The following LARS2 variants were observed in gnomAD, a reference collection of about 807,000 sequenced individuals.
The protein encoded by LARS2 is leucine--tRNA ligase, mitochondrial.
LARS2 carries 81 observed loss-of-function variants against 116.6 expected under a neutral mutation model. The ratio of observed to expected loss-of-function variants is 0.69; its 90% CI spans 0.58 to 0.84. LARS2 has a LOEUF of 0.84. Ranked by LOEUF, LARS2 falls within the 40% of genes least tolerant of loss-of-function variation. The probability of loss-of-function intolerance (pLI) is 0.00; values close to 1 mark genes in which losing one functional copy is unlikely to be tolerated. For missense variants in LARS2, 968 were observed against 1,114.5 expected (o/e 0.87, Z 1.87); for synonymous variants, 396 against 407.2 (o/e 0.97, Z 0.33).
At chr3:45,520,132 C>CTT in intron 18 of LARS2, 87 bp from the exon 19 acceptor site, 3 of 874,650 alleles carry the variant, frequency 3.4e-6, no homozygotes, top group Non-Finnish European at 1.9e-6. Context: ...ATTCATTTTC[C>CTT]TTTTTTTTTG....
At chr3:45,508,075 G>A (rs563807850) in intron 15 of LARS2, among the ~76,000 whole-genome samples, 2 of 151,964 alleles carry the variant, frequency 1.3e-5, no homozygotes, top group Non-Finnish European at 2.9e-5. Context: ...GTGGGAGACC[G>A]CTGTAAACAT....
chr3:45,432,521 TAAAC>T (rs1698735670), intron 6 of LARS2, among the ~76,000 whole-genome samples: 1 of 152,030 alleles, frequency 6.6e-6, no homozygotes, highest in Non-Finnish European at 1.5e-5. Context: ...TTTGTGTAAT[TAAAC>T]AACACGCTCT....
At chr3:45,513,293 G>A (rs1700316648) in intron 16 of LARS2, 58 bp downstream of exon 16, 1 of 1,100,426 alleles carries the variant, frequency 9.1e-7, no homozygotes, top group Admixed American at 1.7e-5. Context: ...GGCCAGGCCT[G>A]AGAGCTACTG....
In LARS2 at chr3:45,528,576, A is replaced by G. The variant is rs149178304; in HGVS notation, c.2404+4468A>G. Among the ~76,000 whole-genome samples the G allele has an allele frequency of 6.8e-3, 1,043 of 152,344 alleles. 12 individuals are homozygous for G. The highest frequency in any genetic ancestry group is 0.016 in the African/African-American group (679 of 41,588). On this transcript the variant is annotated intron_variant, in intron 20 of 21. Transcript: ENST00000645846. ...TTACTGAAAAAAGGTTCCCCACACC[A>G]TTAGTCAATCCCACACCCACTCCAA... is the stretch of plus-strand genomic sequence containing the variant.
At chr3:45,539,232 A>C (rs1454081014) in intron 20 of LARS2, among the ~76,000 whole-genome samples, 1 of 152,212 alleles carries the variant, frequency 6.6e-6, no homozygotes, top group Non-Finnish European at 1.5e-5. Flanking sequence ...ACCTAAAAGA[A>C]AAATCTTAAA....
chr3:45,394,418 T>C lies in LARS2; in HGVS notation c.-21-15T>C, dbSNP rs757855712. 6.7e-6 allele frequency: 10 copies of C among 1,497,624 alleles called. No homozygotes were observed. The Admixed American group carries it at 8.4e-5, about 13-fold the overall frequency. The allele number at this position is 1,497,624 out of a possible 1,614,324, so 92.8% of individuals were successfully genotyped here. A position where few individuals can be genotyped will look rare whatever the true frequency, so the allele number is the denominator to read the frequency against. ...TTGAGGCAGCTCATAGTGTGCTTTC[T>C]GCCCTCTTTTTCAGGGCCTTCTCAC... is the stretch of plus-strand genomic sequence containing the variant. On this transcript the variant is annotated splice_polypyrimidine_tract_variant and intron_variant, in intron 2 of 21. Transcript: ENST00000645846.
At chr3:45,402,340 T>C (rs565618111) in intron 4 of LARS2, among the ~76,000 whole-genome samples, 4 of 152,352 alleles carry the variant, frequency 2.6e-5, no homozygotes, top group Admixed American at 2.0e-4. Flanking sequence ...CTGCCCAATG[T>C]TGTGTTTATT....
intron 3 of LARS2, among the ~76,000 whole-genome samples, chr3:45,395,345 G>A (rs1480335759): frequency 6.6e-6 from 1 of 152,218 alleles, no homozygotes; most frequent in African/African-American, 2.4e-5. Context: ...AGGTACACCA[G>A]CTCGGCACTC....
intron 6 of LARS2, 118 bp downstream of exon 6, chr3:45,419,847 G>A: frequency 2.5e-6 from 2 of 797,118 alleles, no homozygotes; most frequent in South Asian, 2.9e-5. Flanking sequence ...GAAGCAGGAG[G>A]GAAGGATTAG....
intron 9 of LARS2, among the ~76,000 whole-genome samples, 151 bp from the exon 10 acceptor site, chr3:45,476,310 TCCAGGCA>T (rs1699608002): frequency 6.6e-6 from 1 of 152,074 alleles, no homozygotes; most frequent in Admixed American, 6.5e-5. Context: ...CTCAGCTTCT[TCCAGGCA>T]CCATCTCAAT....
chr3:45,491,905 C>T, intron 13 of LARS2, 105 bp downstream of exon 13: 2 of 1,109,996 alleles, frequency 1.8e-6, no homozygotes. Flanking sequence ...TCCCTTTTTC[C>T]CTGACTTCCA....
intron 3 of LARS2, among the ~76,000 whole-genome samples, chr3:45,397,186 A>G (rs924006896): frequency 4.6e-5 from 7 of 152,222 alleles, no homozygotes; most frequent in Admixed American, 6.5e-5. Context: ...ATACTTTTAT[A>G]TAATTATGAA....
intron 7 of LARS2, 121 bp from the exon 8 acceptor site, chr3:45,458,622 G>A: frequency 1.1e-6 from 1 of 908,060 alleles, no homozygotes; most frequent in Non-Finnish European, 1.7e-6. Context: ...AGGAGGTGGA[G>A]GTTGCAGTGA....
At chr3:45,429,387 C>T (rs901520124) in intron 6 of LARS2, among the ~76,000 whole-genome samples, 1 of 152,208 alleles carries the variant, frequency 6.6e-6, no homozygotes, top group Non-Finnish European at 1.5e-5. Flanking sequence ...TGTTTCCATA[C>T]TGGTCATCAG....
chr3:45,510,006 C>G (rs2125748014), intron 15 of LARS2, among the ~76,000 whole-genome samples: 1 of 152,020 alleles, frequency 6.6e-6, no homozygotes, highest in East Asian at 1.9e-4. Flanking sequence ...TCACATTATC[C>G]CCCACCCCTG....
At chr3:45,511,129 T>G (rs929079508) in intron 15 of LARS2, among the ~76,000 whole-genome samples, 1 of 152,170 alleles carries the variant, frequency 6.6e-6, no homozygotes, top group African/African-American at 2.4e-5. Flanking sequence ...CTGCTCTAGA[T>G]GATCCATCTG....
At chr3:45,511,622 G>C (rs10470684) in intron 15 of LARS2, among the ~76,000 whole-genome samples, 2 of 152,040 alleles carry the variant, frequency 1.3e-5, no homozygotes, top group Non-Finnish European at 2.9e-5. Context: ...TGCAGCCTTA[G>C]GCTGAACAGC....
At chr3:45,444,373 T>G (rs1698978237) in intron 6 of LARS2, among the ~76,000 whole-genome samples, 1 of 63,972 alleles carries the variant, frequency 1.6e-5, no homozygotes, top group Non-Finnish European at 3.3e-5. Context: ...AAAAAAAAAA[T>G]GCTGTTTCGG....
chr3:45,439,210 C>CTTTTTTTTTTTT (rs575140221), intron 6 of LARS2, among the ~76,000 whole-genome samples: 2 of 62,458 alleles, frequency 3.2e-5, no homozygotes, highest in African/African-American at 1.3e-4. Context: ...GAAACTCTGG[C>CTTTTTTTTTTTT]TTTTTTTTTT....
Sources: allele counts gnomAD v4.1 joint callset (sites outside exome capture counted in the v4.1 genomes callset), GRCh38; gene constraint gnomAD v4.1.1; transcripts MANE v1.5; gene names NCBI Gene and HGNC (gene_info 2026-07-23, HGNC 2026-07-21).